The following RDX variants were observed in gnomAD, a reference collection of about 807,000 sequenced individuals.
RDX encodes the protein radixin.
A neutral mutation model predicts 83.7 loss-of-function variants in RDX; 32 were observed. The ratio of observed to expected loss-of-function variants is 0.38; its 90% CI spans 0.29 to 0.51. RDX has a LOEUF of 0.51. Among genes scored for constraint, RDX ranks in the 20% least tolerant of loss-of-function variants. RDX has a pLI of 0.87. For synonymous variants in RDX, 229 were observed against 222.7 expected (o/e 1.03, Z -0.25); for missense variants, 600 against 689.9 (o/e 0.87, Z 1.46).
intron 15 of RDX, among the ~76,000 whole-genome samples, chr11:110,194,867 G>A (rs1366664633): frequency 6.6e-6 from 1 of 152,120 alleles, no homozygotes; most frequent in Non-Finnish European, 1.5e-5. Flanking sequence ...TATTTTGTGG[G>A]GTTTTTCAGA....
intron 14 of RDX, among the ~76,000 whole-genome samples, chr11:110,219,203 A>C (rs1864161734): frequency 6.6e-6 from 1 of 152,138 alleles, no homozygotes; most frequent in African/African-American, 2.4e-5. Flanking sequence ...AATATCTGGG[A>C]AAGTGTCTTC....
intron 5 of RDX, among the ~76,000 whole-genome samples, chr11:110,258,407 A>G (rs564291611): frequency 2.0e-5 from 3 of 152,306 alleles, no homozygotes; most frequent in East Asian, 1.9e-4. Flanking sequence ...ACCAATGTCA[A>G]TATCTTGTTT....
At chr11:110,269,777 C>T (rs766985504) in intron 3 of RDX, among the ~76,000 whole-genome samples, 33 of 152,144 alleles carry the variant, frequency 2.2e-4, no homozygotes, top group Non-Finnish European at 3.8e-4. Flanking sequence ...GTGGCTCACG[C>T]CTGTAATCCT....
chr11:110,205,591 A>G (rs1452435675), intron 14 of RDX, among the ~76,000 whole-genome samples: 1 of 152,006 alleles, frequency 6.6e-6, no homozygotes, highest in African/African-American at 2.4e-5. Context: ...CTAATAAAAA[A>G]CAGGCAAAAA....
intron 14 of RDX, among the ~76,000 whole-genome samples, chr11:110,207,619 CT>C (rs573296856): frequency 0.012 from 1,829 of 149,104 alleles, 40 homozygotes; most frequent in African/African-American, 0.041. Flanking sequence ...TGTTTTTTAC[CT>C]TTTTTTTTTA....
intron 14 of RDX, among the ~76,000 whole-genome samples, chr11:110,219,074 C>T (rs1864157273): frequency 6.6e-6 from 1 of 152,042 alleles, no homozygotes. Context: ...AAAATAAAGG[C>T]AAGAAATGGG....
chr11:110,196,755 T>C (rs1405019258), intron 15 of RDX, among the ~76,000 whole-genome samples: 1 of 151,878 alleles, frequency 6.6e-6, no homozygotes, highest in Non-Finnish European at 1.5e-5. Flanking sequence ...CAGAGAAAGG[T>C]CTGAAGGTTG....
intron 1 of RDX, among the ~76,000 whole-genome samples, chr11:110,283,891 G>A (rs563636782): frequency 6.6e-6 from 1 of 152,082 alleles, no homozygotes; most frequent in African/African-American, 2.4e-5. Flanking sequence ...ATTTGCAACA[G>A]TATAATAAAG....
chr11:110,272,952 C>G (rs535989749), intron 2 of RDX: 1 of 460,130 alleles, frequency 2.2e-6, no homozygotes, highest in Non-Finnish European at 4.4e-6. Context: ...AAGAGCTGGA[C>G]ATGGTGCCTC....
In RDX at chr11:110,229,813, TA is replaced by T. The variant is rs941285060; in HGVS notation, c.*2055del. ...ACTGATGTAGCTATGGTAGTGCACATAATTCAAAATGAGGAAAATTAACAAA... is the reference window on the plus strand; with the variant it reads ...ACTGATGTAGCTATGGTAGTGCACATATTCAAAATGAGGAAAATTAACAAA... On this transcript the variant is annotated 3_prime_UTR_variant, in exon 14 of 14. Coordinates refer to ENST00000645495, the MANE Select transcript of RDX (RefSeq NM_002906.4). The T allele has an allele frequency of 6.6e-6, 1 of 152,502 alleles. No individual in the cohort carries two copies. The highest frequency in any genetic ancestry group is 1.5e-5 in the Non-Finnish European group (1 of 67,938). 9.4% of individuals were successfully genotyped at this position (152,502 alleles called of 1,614,324 possible).
At chr11:110,281,497 T>C (rs1433192958) in intron 1 of RDX, among the ~76,000 whole-genome samples, 1 of 152,076 alleles carries the variant, frequency 6.6e-6, no homozygotes, top group East Asian at 1.9e-4. Context: ...CAGCTAATAT[T>C]TGTATTTTTA....
At chr11:110,245,948 A>G (rs542697522) in intron 10 of RDX, among the ~76,000 whole-genome samples, 63 of 152,232 alleles carry the variant, frequency 4.1e-4, no homozygotes, top group Non-Finnish European at 8.2e-4. Flanking sequence ...ATATATATAG[A>G]TATTTCATTT....
intron 1 of RDX, among the ~76,000 whole-genome samples, chr11:110,280,111 A>G (rs1253123735): frequency 2.6e-5 from 4 of 152,250 alleles, no homozygotes; most frequent in Non-Finnish European, 5.9e-5. Context: ...GAAAGGAACA[A>G]TAAAAGTGAA....
At chr11:110,179,748 G>A (rs1399060926) in intron 15 of RDX, 1 of 286,946 alleles carries the variant, frequency 3.5e-6, no homozygotes, top group East Asian at 8.6e-5. Context: ...CTCCAGCCTG[G>A]GCAACAGAGC....
At chr11:110,192,865 A>C (rs1591501680) in intron 15 of RDX, among the ~76,000 whole-genome samples, 1 of 150,462 alleles carries the variant, frequency 6.6e-6, no homozygotes. Flanking sequence ...AAAAAAAAAA[A>C]CAGCAGATGC....
At chr11:110,226,066 C>CAAAA (rs56228784), downstream of RDX, among the ~76,000 whole-genome samples, 2 of 110,864 alleles carry the variant, frequency 1.8e-5, no homozygotes, top group Non-Finnish European at 3.5e-5. Context: ...AACTCCATCT[C>CAAAA]AAAAAAAAAA....
chr11:110,208,072 G>C (rs1027373325), intron 14 of RDX, among the ~76,000 whole-genome samples: 2 of 151,326 alleles, frequency 1.3e-5, no homozygotes, highest in Non-Finnish European at 2.9e-5. Flanking sequence ...CTCCCGCCTT[G>C]GCCTACCAAA....
Position 110,189,243 on chromosome 11 carries a change from T to TA in RDX, c.*31+10337dup, listed in dbSNP as rs35450797. ...AAACAAACTTTAAATGAACAACAGG[T>TA]AAAAAAAAAAAAAAAAAAAAAAAAA... On this transcript the variant is annotated intron_variant, in intron 15 of 15. Transcript: ENST00000528498. Among the ~76,000 whole-genome samples, 318 of 35,596 alleles carry TA rather than the reference T, an allele frequency of 8.9e-3. 6 individuals are homozygous for TA. The highest frequency in any genetic ancestry group is 0.015 in the Non-Finnish European group (239 of 15,748). 23.4% of individuals were successfully genotyped at this position (35,596 alleles called of 152,430 possible).
downstream of RDX, among the ~76,000 whole-genome samples, chr11:110,227,757 C>A (rs545356411): frequency 4.9e-4 from 74 of 152,206 alleles, no homozygotes; most frequent in Non-Finnish European, 7.5e-4. Flanking sequence ...TAAATGACGA[C>A]CATTAAATAA....
Sources: gnomAD v4.1 joint callset for allele counts (sites outside exome capture counted in the v4.1 genomes callset) on GRCh38, gnomAD v4.1.1 for gene constraint, MANE v1.5 for transcripts, NCBI Gene and HGNC (gene_info 2026-07-23, HGNC 2026-07-21) for gene names.